The following NECAB1 variants were observed in gnomAD, a reference collection of about 807,000 sequenced individuals.
NECAB1 encodes the protein N-terminal EF-hand calcium binding protein 1.
Under a neutral mutation model 57.5 loss-of-function variants are expected in NECAB1, and 29 were observed. The ratio of observed to expected loss-of-function variants is 0.50; its 90% confidence interval spans 0.38 to 0.69. The LOEUF (loss-of-function observed/expected upper bound fraction) is 0.69, where lower values mean the gene tolerates loss of function less well. Ranked by LOEUF, NECAB1 falls within the 30% of genes least tolerant of loss-of-function variation. The pLI, the probability that NECAB1 is intolerant of heterozygous loss-of-function variation, is 0.00. For synonymous variants in NECAB1, 142 were observed against 147.7 expected, an observed-to-expected ratio of 0.96 and a Z score of 0.28; for missense variants, 372 against 413.8, an observed-to-expected ratio of 0.90 and a Z score of 0.88.
intron 2 of NECAB1, among the ~76,000 whole-genome samples, chr8:90,823,579 G>A (rs1188622310): frequency 2.0e-5 from 3 of 151,852 alleles, no homozygotes; most frequent in South Asian, 2.1e-4. Flanking sequence ...GGCAATGTGT[G>A]GGCCATATTT....
At chr8:90,863,889 C>T (rs1427827272) in intron 3 of NECAB1, among the ~76,000 whole-genome samples, 1 of 152,082 alleles carries the variant, frequency 6.6e-6, no homozygotes. Context: ...ACACAACCCA[C>T]ATTTCTTGGA....
intron 10 of NECAB1, among the ~76,000 whole-genome samples, chr8:90,945,121 A>C (rs571745129): frequency 1.3e-5 from 2 of 151,948 alleles, no homozygotes; most frequent in East Asian, 3.9e-4. Context: ...TGGAGTGCCC[A>C]GGCTTGCGTG....
chr8:90,917,933 T>C lies in NECAB1; in HGVS notation c.494+305T>C, dbSNP rs528167992. Among the ~76,000 whole-genome samples, 7 of 89,726 alleles carry C rather than the reference T, an allele frequency of 7.8e-5. No homozygotes were observed. The South Asian group carries it at 1.8e-3, about 23-fold the overall frequency. 58.9% of individuals were successfully genotyped at this position (89,726 alleles called of 152,430 possible). ...ATATATACACACACACACATATATG[T>C]GTATGTGTGTATATATATACACACA... is the stretch of plus-strand genomic sequence containing the variant. On this transcript the variant is annotated intron_variant, in intron 6 of 12. Transcript: ENST00000417640.
rs555767746 is a variant in NECAB1, at chr8:90,808,781, G to A, written c.124+7066G>A. ...CTGCCTCAGTCTCGCAAGTAGCTGG[G>A]ACTACAGGTGCGTGCCACCATGCCC... On this transcript the variant is annotated intron_variant, in intron 2 of 12. Coordinates refer to ENST00000417640, the MANE Select transcript of NECAB1 (RefSeq NM_022351.5). Among the ~76,000 whole-genome samples, 78 of 151,692 alleles carry A rather than the reference G, an allele frequency of 5.1e-4. 2 individuals carry two copies. The South Asian group carries it at 0.016, about 31-fold the overall frequency.
intron 1 of NECAB1, among the ~76,000 whole-genome samples, chr8:90,796,007 T>C (rs1811655615): frequency 6.6e-6 from 1 of 152,110 alleles, no homozygotes. Context: ...AAAAAGTATT[T>C]AAAAATACAC....
At chr8:90,934,276 T>C in intron 8 of NECAB1, 28 bp from the exon 9 acceptor site, 1 of 1,492,208 alleles carries the variant, frequency 6.7e-7, no homozygotes, top group East Asian at 2.5e-5. Flanking sequence ...TTTTTTTTCT[T>C]TTCTGCCATT....
chr8:90,940,902 A>G lies in NECAB1; in HGVS notation c.860+4A>G. 6.4e-7 allele frequency: 1 copy of G among 1,553,966 alleles called. No individual in the cohort carries two copies. On this transcript the variant is annotated splice_donor_region_variant and intron_variant, in intron 10 of 12. Coordinates refer to ENST00000417640, the MANE Select transcript of NECAB1 (RefSeq NM_022351.5). Reference sequence around the variant, plus strand: ...CCTCCCAAAGTGGATGCTTGCGGTAAGTGCTCCGACTCCTGCACCTTAGGC... The same window carrying G: ...CCTCCCAAAGTGGATGCTTGCGGTAGGTGCTCCGACTCCTGCACCTTAGGC...
At chr8:90,867,257 C>A (rs1288381622) in intron 3 of NECAB1, among the ~76,000 whole-genome samples, 1 of 152,122 alleles carries the variant, frequency 6.6e-6, no homozygotes, top group Non-Finnish European at 1.5e-5. Flanking sequence ...CCAAGTAATT[C>A]CATTTTCAAT....
At chr8:90,873,236 A>G (rs1248275532) in intron 4 of NECAB1, among the ~76,000 whole-genome samples, 4 of 152,354 alleles carry the variant, frequency 2.6e-5, no homozygotes, top group African/African-American at 4.8e-5. Flanking sequence ...GGAAAATCCA[A>G]TTGAAATTCA....
intron 3 of NECAB1, among the ~76,000 whole-genome samples, chr8:90,826,723 A>T (rs1217351526): frequency 6.6e-6 from 1 of 151,606 alleles, no homozygotes; most frequent in Non-Finnish European, 1.5e-5. Flanking sequence ...ATTAATATTA[A>T]TATTTATTCA....
intron 2 of NECAB1, among the ~76,000 whole-genome samples, chr8:90,803,815 T>G (rs1216384624): frequency 1.3e-5 from 2 of 152,184 alleles, no homozygotes; most frequent in African/African-American, 4.8e-5. Flanking sequence ...TGCTGTGACC[T>G]CCGCCTCCTG....
rs1354945827 is a variant in NECAB1, at chr8:90,928,282, G to A, written c.676G>A (p.Asp226Asn). 2 of 1,606,990 alleles carry A rather than the reference G, an allele frequency of 1.2e-6. No individual in the cohort carries two copies. Among genetic ancestry groups the A allele is most frequent in the Non-Finnish European group, 1.7e-6 (2 of 1,177,014 alleles). The change falls in exon 8 of 13, where the codon GAT becomes AAT. Residue 226 changes from aspartate (D) to asparagine (N), a missense_variant. Asp to Asn is a conservative substitution (Grantham distance 23). Transcript: ENST00000417640. ...TQINRLQKLI[D>N]RLEKKDLKLE... ...GATAAATAGACTCCAGAAATTAATT[G>A]ATAGACTGGAAAAGAAGGTAGGTGC... is the stretch of plus-strand genomic sequence containing the variant.
chr8:90,932,237 G>A (rs2035595), intron 8 of NECAB1, among the ~76,000 whole-genome samples: 79,846 of 151,998 alleles, frequency 0.53, 24,414 homozygotes, highest in African/African-American at 0.83. Flanking sequence ...ATTCACATCT[G>A]TATACATTAC....
chr8:90,954,444 T>G (rs1395444806), intron 12 of NECAB1, among the ~76,000 whole-genome samples: 1 of 151,896 alleles, frequency 6.6e-6, no homozygotes, highest in Non-Finnish European at 1.5e-5. Context: ...AAACTTGGTC[T>G]GTGGAGCAGA....
chr8:90,867,302 AAAAT>A (rs1285111998), intron 3 of NECAB1, among the ~76,000 whole-genome samples: 1 of 152,234 alleles, frequency 6.6e-6, no homozygotes, highest in Non-Finnish European at 1.5e-5. Context: ...TTGGAAATTC[AAAAT>A]AAATCTCATT....
chr8:90,834,913 T>A (rs184292070), intron 3 of NECAB1, among the ~76,000 whole-genome samples: 1 of 152,140 alleles, frequency 6.6e-6, no homozygotes, highest in Admixed American at 6.5e-5. Flanking sequence ...CCTAAATTGG[T>A]CTTGTGTATT....
In NECAB1 at chr8:90,957,687, A is replaced by T. The variant is rs1288755725; in HGVS notation, c.*2175A>T. The T allele has an allele frequency of 6.6e-6, 1 of 150,488 alleles. No homozygotes were observed. The highest frequency in any genetic ancestry group is 1.5e-5 in the Non-Finnish European group (1 of 67,424). The allele number at this position is 150,488 out of a possible 1,614,324, so 9.3% of individuals were successfully genotyped here. A position where few individuals can be genotyped will look rare whatever the true frequency, so the allele number is the denominator to read the frequency against. ...ACTAGTAGGGCCAAAAAAAAAAAGA[A>T]AAAGAAAAAGAAAAAAGAAAAAAAA... On this transcript the variant is annotated 3_prime_UTR_variant, in exon 13 of 13. Coordinates refer to ENST00000417640, the MANE Select transcript of NECAB1 (RefSeq NM_022351.5).
chr8:90,801,686 TC>T lies in NECAB1; in HGVS notation c.100-3del. The stretch of plus-strand genomic sequence containing the variant: ...TGATAAAATTTTTTCCTTTTTCCTT[TC>T]CAGATACTGAGGAGAGCAGACAAAA... On this transcript the variant is annotated splice_region_variant and splice_polypyrimidine_tract_variant and intron_variant, in intron 1 of 12. Transcript: ENST00000417640. 6.6e-7 allele frequency: 1 copy of T among 1,523,960 alleles called. No homozygotes were observed. Among genetic ancestry groups the T allele is most frequent in the Non-Finnish European group, 8.8e-7 (1 of 1,130,436 alleles). The allele number at this position is 1,523,960 out of a possible 1,614,324, so 94.4% of individuals were successfully genotyped here.
At chr8:90,927,284 G>T (rs549379986) in intron 7 of NECAB1, among the ~76,000 whole-genome samples, 2 of 145,178 alleles carry the variant, frequency 1.4e-5, no homozygotes, top group South Asian at 4.3e-4. Context: ...GCCTTGAAAG[G>T]TGCTTCCTCC....
Sources: allele counts gnomAD v4.1 joint callset (sites outside exome capture counted in the v4.1 genomes callset), GRCh38; gene constraint gnomAD v4.1.1; transcripts MANE v1.5; gene names NCBI Gene and HGNC (gene_info 2026-07-23, HGNC 2026-07-21).